ZMAT3: variants seen among roughly 807,000 people sequenced by gnomAD.
ZMAT3 encodes zinc finger matrin-type protein 3.
A neutral mutation model predicts 32.3 loss-of-function variants in ZMAT3; 17 were observed. The observed-to-expected ratio is 0.53, with a 90% confidence interval of 0.36 to 0.79. The LOEUF (loss-of-function observed/expected upper bound fraction) is 0.79, where lower values mean the gene tolerates loss of function less well. Ranked by LOEUF, ZMAT3 falls within the 30% of genes least tolerant of loss-of-function variation. The probability of loss-of-function intolerance (pLI) is 0.00; values close to 1 mark genes in which losing one functional copy is unlikely to be tolerated. For synonymous variants in ZMAT3, 120 were observed against 133.1 expected, an observed-to-expected ratio of 0.90 and a Z score of 0.68; for missense variants, 329 against 359.7, an observed-to-expected ratio of 0.91 and a Z score of 0.69.
intron 2 of ZMAT3, among the ~76,000 whole-genome samples, chr3:179,067,155 G>A (rs1452467501): frequency 6.6e-6 from 1 of 152,140 alleles, no homozygotes; most frequent in African/African-American, 2.4e-5. Flanking sequence ...CTGTCACCCA[G>A]GCTGGTAAAT....
chr3:179,043,243 C>CA (rs1283968823), intron 2 of ZMAT3, among the ~76,000 whole-genome samples: 13 of 148,430 alleles, frequency 8.8e-5, no homozygotes, highest in South Asian at 2.2e-4. Flanking sequence ...CATATGGAAC[C>CA]AAAAAAAGAG....
upstream of ZMAT3, chr3:179,071,952 T>G (rs1721752001): frequency 6.5e-6 from 1 of 152,854 alleles, no homozygotes; most frequent in South Asian, 2.1e-4. Flanking sequence ...GGCGCGTGGG[T>G]CAGGTGCCCT....
At chr3:179,049,946 C>T (rs1212511803) in intron 2 of ZMAT3, among the ~76,000 whole-genome samples, 4 of 137,492 alleles carry the variant, frequency 2.9e-5, no homozygotes, top group Admixed American at 7.9e-5. Context: ...AAGACAAGAT[C>T]GCGCCACTGC....
chr3:179,037,065 G>A (rs1383654876), intron 2 of ZMAT3, among the ~76,000 whole-genome samples: 1 of 152,146 alleles, frequency 6.6e-6, no homozygotes, highest in Non-Finnish European at 1.5e-5. Context: ...TCTGCTGAGA[G>A]CTTTCCTTCT....
chr3:179,024,902 T>G lies in ZMAT3; in HGVS notation c.*115A>C. 4.2e-6 allele frequency: 4 copies of G among 952,480 alleles called. No individual in the cohort carries two copies. The highest frequency in any genetic ancestry group is 6.5e-6 in the Non-Finnish European group (4 of 619,586). The allele number at this position is 952,480 out of a possible 1,614,324, so 59.0% of individuals were successfully genotyped here. A position where few individuals can be genotyped will look rare whatever the true frequency, so the allele number is the denominator to read the frequency against. ...TCTCATGGTACCACTGTGGGTTACA[T>G]GTATTAACATTAAGCAGAGGAATGT... On this transcript the variant is annotated 3_prime_UTR_variant, in exon 6 of 6. Transcript: ENST00000311417.
At chr3:179,064,500 G>C (rs908408914) in intron 2 of ZMAT3, among the ~76,000 whole-genome samples, 2 of 152,100 alleles carry the variant, frequency 1.3e-5, no homozygotes, top group Non-Finnish European at 2.9e-5. Context: ...CATGATTATA[G>C]CTCACTGCTG....
At chr3:179,051,296 G>A (rs1316187728) in intron 2 of ZMAT3, among the ~76,000 whole-genome samples, 2 of 152,076 alleles carry the variant, frequency 1.3e-5, no homozygotes, top group East Asian at 1.9e-4. Context: ...AAAGTTTTAG[G>A]ATACAAAATT....
At chr3:179,047,113 G>A (rs900724213) in intron 2 of ZMAT3, among the ~76,000 whole-genome samples, 11 of 152,024 alleles carry the variant, frequency 7.2e-5, no homozygotes, top group Non-Finnish European at 1.3e-4. Context: ...TTCACTCCCC[G>A]GCTACCTCCA....
intron 2 of ZMAT3, 69 bp downstream of exon 2, chr3:179,067,411 GACA>G: frequency 6.6e-7 from 1 of 1,518,002 alleles, no homozygotes; most frequent in Non-Finnish European, 9.0e-7. Flanking sequence ...TATCTGGAGA[GACA>G]ACTGCTAAAT....
intron 1 of ZMAT3, among the ~76,000 whole-genome samples, chr3:179,069,764 G>GA (rs1721616299): frequency 6.6e-6 from 1 of 152,112 alleles, no homozygotes; most frequent in Non-Finnish European, 1.5e-5. Flanking sequence ...ATTAGTCATA[G>GA]AATTTAACAA....
At chr3:179,043,168 A>C (rs1196376353) in intron 2 of ZMAT3, among the ~76,000 whole-genome samples, 1 of 152,224 alleles carries the variant, frequency 6.6e-6, no homozygotes. Flanking sequence ...TTATAGATTA[A>C]ATGCCATCCC....
intron 3 of ZMAT3, 131 bp downstream of exon 3, chr3:179,030,749 G>T: frequency 7.3e-7 from 1 of 1,376,612 alleles, no homozygotes; most frequent in Non-Finnish European, 9.7e-7. Flanking sequence ...AAAGTACCAA[G>T]CAGCATCTTT....
At chr3:179,039,815 G>A (rs1483833829) in intron 2 of ZMAT3, among the ~76,000 whole-genome samples, 1 of 152,156 alleles carries the variant, frequency 6.6e-6, no homozygotes, top group African/African-American at 2.4e-5. Context: ...CCATCGCAAG[G>A]AAGCTAAAAA....
At chr3:179,030,815 A>G (rs1450798083) in intron 3 of ZMAT3, 65 bp downstream of exon 3, 1 of 1,556,474 alleles carries the variant, frequency 6.4e-7, no homozygotes, top group Non-Finnish European at 8.7e-7. Flanking sequence ...AATGTCATCT[A>G]TAACCATTTG....
intron 2 of ZMAT3, among the ~76,000 whole-genome samples, chr3:179,060,318 T>C (rs1328653501): frequency 6.6e-6 from 1 of 151,506 alleles, no homozygotes; most frequent in African/African-American, 2.4e-5. Context: ...AGCAGAACCA[T>C]GACAATAGCT....
chr3:179,067,602 C>T lies in ZMAT3; in HGVS notation c.151G>A (p.Glu51Lys), dbSNP rs905003848. The change falls in exon 2 of 6, where the codon GAA (glutamate) becomes AAA (lysine). Residue 51 changes from glutamate (E) to lysine (K), a missense_variant. Transcript: ENST00000311417. Reference protein sequence around the residue: ...QEASLPLAGEEELSKGGEQDC... With the variant: ...QEASLPLAGEKELSKGGEQDC... ...TGCTCCCCTCCCTTCGATAACTCTT[C>T]TTCCCCTGCAAGAGGCAAGGAAGCC... 6.2e-7 allele frequency: 1 copy of T among 1,614,096 alleles called. No individual in the cohort carries two copies.
Position 179,067,513 on chromosome 3 carries a change from G to T in ZMAT3, c.240C>A (p.Asn80Lys). The T allele has an allele frequency of 6.2e-7, 1 of 1,614,204 alleles. No homozygotes were observed. The part of the protein sequence containing the change: ...LYCKLCNVTL[N>K]SAQQAQAHYQ... Reference sequence around the variant, plus strand: ...AATGAGCCTGGGCTTGCTGTGCAGAGTTCAAGGTGACATTGCAGAGTTTGC... The same window carrying T: ...AATGAGCCTGGGCTTGCTGTGCAGATTTCAAGGTGACATTGCAGAGTTTGC... The change falls in exon 2 of 6, where the codon AAC (asparagine) becomes AAA (lysine). Residue 80 changes from asparagine (N) to lysine (K), a missense_variant. Asn to Lys is a moderately conservative substitution (Grantham distance 94, BLOSUM62 0). Coordinates refer to ENST00000311417, the MANE Select transcript of ZMAT3 (RefSeq NM_022470.4).
Position 179,022,206 on chromosome 3 carries a change from G to A in ZMAT3, c.*2811C>T, listed in dbSNP as rs1286376548. 6.6e-6 allele frequency: 1 copy of A among 152,126 alleles called. No individual in the cohort carries two copies. Among genetic ancestry groups the A allele is most frequent in the African/African-American group, 2.4e-5 (1 of 41,432 alleles). The allele number at this position is 152,126 out of a possible 1,614,324, so 9.4% of individuals were successfully genotyped here. A position where few individuals can be genotyped will look rare whatever the true frequency, so the allele number is the denominator to read the frequency against. On this transcript the variant is annotated 3_prime_UTR_variant, in exon 6 of 6. Coordinates refer to ENST00000311417, the MANE Select transcript of ZMAT3 (RefSeq NM_022470.4). ...CTGGAAACCTGAATCCACAAGGCCT[G>A]AAAAAACATCAAGCCCTTAAGTCGG...
At chr3:179,044,106 C>T (rs188436395) in intron 2 of ZMAT3, among the ~76,000 whole-genome samples, 6 of 152,254 alleles carry the variant, frequency 3.9e-5, no homozygotes, top group South Asian at 2.1e-4. Flanking sequence ...GAAATAGGAA[C>T]GCTTTACACT....
Sources: gnomAD v4.1 joint callset for allele counts (sites outside exome capture counted in the v4.1 genomes callset) on GRCh38, gnomAD v4.1.1 for gene constraint, MANE v1.5 for transcripts, NCBI Gene and HGNC (gene_info 2026-07-23, HGNC 2026-07-21) for gene names.